Variants in AFF3 observed in about 807,000 individuals in gnomAD.
AFF3 encodes ALF transcription elongation factor 3.
In AFF3, 32 loss-of-function variants were observed where a neutral mutation model predicts 129.7. The ratio of observed to expected loss-of-function variants is 0.25; its 90% CI spans 0.19 to 0.33. The LOEUF (loss-of-function observed/expected upper bound fraction) is 0.33, where lower values mean the gene tolerates loss of function less well. AFF3 is among the 10% of genes least tolerant of loss of function. The pLI, the probability that AFF3 is intolerant of heterozygous loss-of-function variation, is 1.00. For synonymous variants in AFF3, 644 were observed against 635.4 expected, an observed-to-expected ratio of 1.01 and a Z score of -0.20; for missense variants, 1,373 against 1,592.0, an observed-to-expected ratio of 0.86 and a Z score of 2.34.
chr2:100,090,626 T>C (rs1446063171), intron 4 of AFF3, among the ~76,000 whole-genome samples: 1 of 152,132 alleles, frequency 6.6e-6, no homozygotes, highest in Non-Finnish European at 1.5e-5. Flanking sequence ...TTTTTCCATA[T>C]ATACCTCACT....
chr2:100,044,839 G>C (rs1481129293), intron 4 of AFF3, among the ~76,000 whole-genome samples: 1 of 151,964 alleles, frequency 6.6e-6, no homozygotes, highest in African/African-American at 2.4e-5. Flanking sequence ...GGGGATGTCT[G>C]ATGGGGCCTC....
At chr2:99,628,587 C>T (rs973432173) in intron 13 of AFF3, among the ~76,000 whole-genome samples, 4 of 151,624 alleles carry the variant, frequency 2.6e-5, no homozygotes, top group East Asian at 1.9e-4. Flanking sequence ...GATGGAGTCT[C>T]GCTCTGTCAC....
At chr2:100,034,172 A>C (rs1684730264) in intron 4 of AFF3, among the ~76,000 whole-genome samples, 1 of 152,222 alleles carries the variant, frequency 6.6e-6, no homozygotes, top group African/African-American at 2.4e-5. Context: ...GCTTTCCCGC[A>C]TGACTCTATA....
chr2:99,733,269 A>G (rs1447716842), intron 10 of AFF3, among the ~76,000 whole-genome samples: 1 of 151,818 alleles, frequency 6.6e-6, no homozygotes, highest in Non-Finnish European at 1.5e-5. Context: ...AGTCCCAGCT[A>G]CTAGAAAGGC....
At chr2:99,568,086 G>A (rs1676144926) in intron 19 of AFF3, among the ~76,000 whole-genome samples, 1 of 152,160 alleles carries the variant, frequency 6.6e-6, no homozygotes, top group Admixed American at 6.5e-5. Context: ...TTGGAAGAGG[G>A]GTACTGTTAC....
At chr2:99,896,944 CTTAT>C (rs1385374612) in intron 7 of AFF3, among the ~76,000 whole-genome samples, 9 of 152,150 alleles carry the variant, frequency 5.9e-5, no homozygotes, top group Admixed American at 5.9e-4. Context: ...CCTGTGCATT[CTTAT>C]TTCATAGTTC....
At chr2:100,094,546 C>T (rs1559120875) in intron 4 of AFF3, among the ~76,000 whole-genome samples, 3 of 152,088 alleles carry the variant, frequency 2.0e-5, no homozygotes, top group Admixed American at 2.0e-4. Flanking sequence ...TTCTCTTGCT[C>T]GCCATCCACT....
chr2:99,985,732 T>G (rs977553698), intron 7 of AFF3, among the ~76,000 whole-genome samples: 3 of 151,750 alleles, frequency 2.0e-5, no homozygotes, highest in African/African-American at 7.3e-5. Flanking sequence ...CACCCTTGGG[T>G]GGGTAGGGCC....
chr2:99,780,772 A>C (rs1230450090), intron 8 of AFF3, among the ~76,000 whole-genome samples: 1 of 152,042 alleles, frequency 6.6e-6, no homozygotes, highest in African/African-American at 2.4e-5. Flanking sequence ...GCCATATATT[A>C]CTGAATCCTG....
chr2:99,567,809 G>A (rs896320764), intron 19 of AFF3, among the ~76,000 whole-genome samples: 1 of 152,172 alleles, frequency 6.6e-6, no homozygotes. Flanking sequence ...GACAATGAAT[G>A]AATAATGCTG....
chr2:99,626,030 G>T (rs114979456), intron 13 of AFF3, among the ~76,000 whole-genome samples: 13 of 152,324 alleles, frequency 8.5e-5, no homozygotes, highest in African/African-American at 3.1e-4. Context: ...TATAGAGAAC[G>T]CAGTTACTGA....
intron 4 of AFF3, among the ~76,000 whole-genome samples, chr2:100,092,381 C>T (rs1689929500): frequency 6.6e-6 from 1 of 152,146 alleles, no homozygotes; most frequent in South Asian, 2.1e-4. Flanking sequence ...AGTCAGCCCT[C>T]ACTCCTCACT....
chr2:99,632,780 A>G (rs899298300), intron 13 of AFF3, among the ~76,000 whole-genome samples: 1 of 152,252 alleles, frequency 6.6e-6, no homozygotes, highest in Non-Finnish European at 1.5e-5. Context: ...ATTTTAAATT[A>G]GTTGAAGTCT....
At chr2:99,699,551 T>A (rs1269673728) in intron 11 of AFF3, among the ~76,000 whole-genome samples, 1 of 152,254 alleles carries the variant, frequency 6.6e-6, no homozygotes, top group Non-Finnish European at 1.5e-5. Context: ...AGGGATAACG[T>A]AACTTCTGGG....
chr2:99,727,257 C>A, intron 10 of AFF3, 129 bp from the exon 11 acceptor site: 1 of 930,644 alleles, frequency 1.1e-6, no homozygotes, highest in Non-Finnish European at 1.6e-6. Flanking sequence ...GCTTTTAAAA[C>A]ATCTTTTATT....
intron 4 of AFF3, among the ~76,000 whole-genome samples, chr2:100,018,067 C>G (rs1003807908): frequency 3.3e-5 from 5 of 151,328 alleles, no homozygotes; most frequent in Admixed American, 6.6e-5. Context: ...AAGAATTCTT[C>G]TAAAACCTAT....
intron 4 of AFF3, among the ~76,000 whole-genome samples, chr2:100,061,854 T>TTGG (rs1227083914): frequency 2.9e-4 from 22 of 75,712 alleles, no homozygotes; most frequent in Non-Finnish European, 5.4e-4. Flanking sequence ...GGTAGCACAG[T>TTGG]GGAGGGGGGG....
intron 8 of AFF3, among the ~76,000 whole-genome samples, chr2:99,811,654 C>A (rs1686800124): frequency 6.6e-6 from 1 of 152,196 alleles, no homozygotes; most frequent in South Asian, 2.1e-4. Context: ...GCTGAGGCAC[C>A]AGATTCTCCC....
chr2:99,928,395 T>C (rs1309350125), intron 7 of AFF3, among the ~76,000 whole-genome samples: 1 of 152,194 alleles, frequency 6.6e-6, no homozygotes, highest in African/African-American at 2.4e-5. Context: ...AAGCTTGAAC[T>C]TGTTCCTTGA....
Sources: allele counts gnomAD v4.1 joint callset (sites outside exome capture counted in the v4.1 genomes callset), GRCh38; gene constraint gnomAD v4.1.1; transcripts MANE v1.5; gene names NCBI Gene and HGNC (gene_info 2026-07-23, HGNC 2026-07-21).